FCHO2: variants seen among roughly 807,000 people sequenced by gnomAD.
FCHO2 encodes F-BAR domain only protein 2.
Under a neutral mutation model 114.1 loss-of-function variants are expected in FCHO2, and 43 were observed. That is an observed-to-expected ratio of 0.38 (90% CI 0.30 to 0.49). The LOEUF (loss-of-function observed/expected upper bound fraction) is 0.49, where lower values mean the gene tolerates loss of function less well. FCHO2 is among the 20% of genes least tolerant of loss of function. FCHO2 has a pLI of 0.97. For missense variants in FCHO2, 807 were observed against 950.4 expected (o/e 0.85, Z 1.98); for synonymous variants, 293 against 315.2 (o/e 0.93, Z 0.75).
chr5:72,970,863 A>T (rs140559887), intron 2 of FCHO2, among the ~76,000 whole-genome samples: 2 of 152,000 alleles, frequency 1.3e-5, no homozygotes, highest in Non-Finnish European at 2.9e-5. Context: ...CCCGCAACCC[A>T]CAACAGTCCC....
At chr5:72,981,221 A>G (rs1406307394) in intron 2 of FCHO2, among the ~76,000 whole-genome samples, 1 of 152,188 alleles carries the variant, frequency 6.6e-6, no homozygotes, top group Non-Finnish European at 1.5e-5. Flanking sequence ...TTGGCTAGAC[A>G]TGAAATTCTG....
In FCHO2 at chr5:73,027,934, A is replaced by G. The variant is rs1756028958; in HGVS notation, c.797-6723A>G. On this transcript the variant is annotated intron_variant, in intron 8 of 25. Transcript: ENST00000430046. ...CTATACCAGCCAGGCATGCTGGCTC[A>G]CACCTGTAATCCCAGCACTTTAGGA... 2.6e-5 allele frequency among the ~76,000 whole-genome samples: 4 copies of G among 152,202 alleles called. No homozygotes were observed. The South Asian group carries it at 8.3e-4, about 31-fold the overall frequency.
chr5:73,082,475 CT>C (rs1743152108), intron 23 of FCHO2, among the ~76,000 whole-genome samples: 1 of 152,094 alleles, frequency 6.6e-6, no homozygotes, highest in South Asian at 2.1e-4. Flanking sequence ...ATGTGTCTTC[CT>C]TGACTAATGA....
intron 8 of FCHO2, chr5:73,021,233 T>G: frequency 1.5e-6 from 1 of 676,722 alleles, no homozygotes; most frequent in Non-Finnish European, 2.8e-6. Flanking sequence ...CTTCTTTATC[T>G]CCTCAAGCTC....
chr5:73,026,878 G>T (rs1755957608), intron 8 of FCHO2, among the ~76,000 whole-genome samples: 1 of 151,906 alleles, frequency 6.6e-6, no homozygotes, highest in Admixed American at 6.5e-5. Flanking sequence ...TTTTAGTAGA[G>T]ACATAGTTTC....
chr5:73,021,247 A>G, intron 8 of FCHO2: 1 of 624,962 alleles, frequency 1.6e-6, no homozygotes, highest in South Asian at 1.6e-5. Context: ...CAAGCTCTTC[A>G]TCCCACAGTA....
At chr5:73,084,575 A>G (rs116436164) in intron 24 of FCHO2, among the ~76,000 whole-genome samples, 1,534 of 152,190 alleles carry the variant, frequency 0.01, 21 homozygotes, top group African/African-American at 0.035. Context: ...CTAGTCTCCA[A>G]TAACTCCTCT....
chr5:73,060,930 T>TA (rs1435488594), intron 17 of FCHO2, among the ~76,000 whole-genome samples: 1 of 151,740 alleles, frequency 6.6e-6, no homozygotes. Flanking sequence ...ATAAATATCT[T>TA]ACGCCTACCT....
At chr5:73,076,467 A>G (rs1742914115) in intron 20 of FCHO2, among the ~76,000 whole-genome samples, 1 of 152,176 alleles carries the variant, frequency 6.6e-6, no homozygotes, top group Non-Finnish European at 1.5e-5. Context: ...ATATTTCAGC[A>G]TGTCTGCCTG....
intron 18 of FCHO2, 34 bp from the exon 19 acceptor site, chr5:73,068,616 T>C: frequency 6.2e-7 from 1 of 1,604,314 alleles, no homozygotes; most frequent in Non-Finnish European, 8.5e-7. Context: ...AGGTATTGTT[T>C]TAGCATTTTG....
intron 8 of FCHO2, chr5:73,020,599 AGG>A: frequency 1.4e-6 from 1 of 696,500 alleles, no homozygotes; most frequent in Non-Finnish European, 2.6e-6. Context: ...CTTTGGGAGA[AGG>A]GGAATGATGG....
intron 8 of FCHO2, chr5:73,020,954 G>C (rs768899253): frequency 2.5e-6 from 4 of 1,595,276 alleles, no homozygotes; most frequent in Non-Finnish European, 3.4e-6. Context: ...TTGTTGCTTC[G>C]GCTGTTGAGT....
intron 11 of FCHO2, among the ~76,000 whole-genome samples, chr5:73,048,884 T>TC (rs1757201169): frequency 6.9e-6 from 1 of 145,670 alleles, no homozygotes; most frequent in East Asian, 2.0e-4. Context: ...TTTTTTTTTT[T>TC]TTTTTTTTTT....
At chr5:73,049,936 T>G (rs7706969) in intron 11 of FCHO2, among the ~76,000 whole-genome samples, 45,256 of 151,930 alleles carry the variant, frequency 0.3, 6,972 homozygotes, top group East Asian at 0.44. Context: ...GGTCTCTCAT[T>G]TTGGGGTCTC....
chr5:73,043,466 CATAT>C (rs1455925853), intron 11 of FCHO2, among the ~76,000 whole-genome samples: 6 of 151,992 alleles, frequency 3.9e-5, no homozygotes, highest in Admixed American at 1.3e-4. Flanking sequence ...CATATACACA[CATAT>C]ATAAAGTATA....
chr5:73,068,379 C>T (rs1373954038), intron 18 of FCHO2, among the ~76,000 whole-genome samples: 2 of 151,996 alleles, frequency 1.3e-5, no homozygotes, highest in African/African-American at 2.4e-5. Context: ...ACTAATTTAA[C>T]TTCTGAGAAT....
chr5:72,972,177 G>A (rs556809065), intron 2 of FCHO2, among the ~76,000 whole-genome samples: 132 of 151,880 alleles, frequency 8.7e-4, no homozygotes, highest in African/African-American at 3.0e-3. Flanking sequence ...TTGACTTGGC[G>A]ATGCGGGCTC....
chr5:73,083,892 CAAA>C (rs765390330), intron 24 of FCHO2, among the ~76,000 whole-genome samples: 13 of 79,252 alleles, frequency 1.6e-4, no homozygotes, highest in Non-Finnish European at 2.5e-4. Context: ...GACTCTGTCT[CAAA>C]AAAAAAAAAA....
At chr5:73,034,992 A>G (rs1224181136) in intron 9 of FCHO2, among the ~76,000 whole-genome samples, 3 of 152,162 alleles carry the variant, frequency 2.0e-5, no homozygotes, top group African/African-American at 7.2e-5. Flanking sequence ...ATTGACATCC[A>G]TGTTTAAGCC....
Sources: gnomAD v4.1 joint callset for allele counts (sites outside exome capture counted in the v4.1 genomes callset) on GRCh38, gnomAD v4.1.1 for gene constraint, MANE v1.5 for transcripts, NCBI Gene and HGNC (gene_info 2026-07-23, HGNC 2026-07-21) for gene names.